The following ADCY9 variants were observed in gnomAD, a reference collection of about 807,000 sequenced individuals.
The protein encoded by ADCY9 is adenylate cyclase type 9.
In ADCY9, 50 loss-of-function variants were observed where a neutral mutation model predicts 101.5. That is an observed-to-expected ratio of 0.49 (90% CI 0.39 to 0.62). ADCY9 has a LOEUF of 0.62. Ranked by LOEUF, ADCY9 falls within the 20% of genes least tolerant of loss-of-function variation. ADCY9 has a pLI of 0.00. For synonymous variants in ADCY9, 905 were observed against 769.3 expected, an observed-to-expected ratio of 1.18 and a Z score of -2.92; for missense variants, 1,662 against 1,800.4, an observed-to-expected ratio of 0.92 and a Z score of 1.39.
At chr16:4,064,464 T>C (rs2056789265) in intron 2 of ADCY9, among the ~76,000 whole-genome samples, 1 of 152,126 alleles carries the variant, frequency 6.6e-6, no homozygotes, top group South Asian at 2.1e-4. Context: ...AAATCATCCA[T>C]AATAAAGTGT....
intron 6 of ADCY9, among the ~76,000 whole-genome samples, chr16:3,988,175 G>T (rs1368191194): frequency 6.6e-6 from 1 of 152,144 alleles, no homozygotes; most frequent in African/African-American, 2.4e-5. Flanking sequence ...TGTATGAAGG[G>T]AAGTACAATC....
At chr16:4,027,628 G>A (rs1325802862) in intron 2 of ADCY9, among the ~76,000 whole-genome samples, 1 of 152,160 alleles carries the variant, frequency 6.6e-6, no homozygotes, top group Non-Finnish European at 1.5e-5. Flanking sequence ...TGTAATCCCA[G>A]CACTGTGGGA....
intron 2 of ADCY9, among the ~76,000 whole-genome samples, chr16:4,014,713 G>C (rs1482488167): frequency 6.6e-6 from 1 of 151,968 alleles, no homozygotes; most frequent in African/African-American, 2.4e-5. Flanking sequence ...CTCCCAAAGT[G>C]CTGGGATTAA....
chr16:4,054,818 C>T (rs937544026), intron 2 of ADCY9, among the ~76,000 whole-genome samples: 1 of 152,076 alleles, frequency 6.6e-6, no homozygotes, highest in East Asian at 1.9e-4. Context: ...CCACCTGCCT[C>T]GACCTCCCAA....
At chr16:4,079,792 T>C (rs1268804072) in intron 2 of ADCY9, among the ~76,000 whole-genome samples, 1 of 152,142 alleles carries the variant, frequency 6.6e-6, no homozygotes, top group African/African-American at 2.4e-5. Flanking sequence ...ATATCGTATA[T>C]GCACTGAAAA....
At chr16:4,038,996 GCAA>G (rs1055107686) in intron 2 of ADCY9, among the ~76,000 whole-genome samples, 46 of 152,018 alleles carry the variant, frequency 3.0e-4, no homozygotes, top group Admixed American at 1.3e-4. Context: ...AAAAATAATA[GCAA>G]CAACATCTCC....
At chr16:4,102,045 G>C (rs554209972) in intron 2 of ADCY9, among the ~76,000 whole-genome samples, 1 of 152,100 alleles carries the variant, frequency 6.6e-6, no homozygotes, top group Non-Finnish European at 1.5e-5. Context: ...TCTAGGTTTC[G>C]GTACTGAACG....
At chr16:4,047,020 C>CA (rs112577687) in intron 2 of ADCY9, among the ~76,000 whole-genome samples, 8,096 of 151,802 alleles carry the variant, frequency 0.053, 767 homozygotes, top group African/African-American at 0.19. Flanking sequence ...AAACAAAAAA[C>CA]AAAAAACTAC....
chr16:4,035,335 G>C (rs1241461295), intron 2 of ADCY9, among the ~76,000 whole-genome samples: 1 of 152,020 alleles, frequency 6.6e-6, no homozygotes, highest in Non-Finnish European at 1.5e-5. Flanking sequence ...AGAACCACAG[G>C]ACAGCTATTA....
Position 3,966,340 on chromosome 16 carries a change from C to G in ADCY9, c.3497G>C (p.Gly1166Ala). Residue 1166 changes from glycine to alanine, a missense_variant, in exon 11 of 11, where the codon GGC becomes GCC. Around this residue, in one of 5 missense-constraint regions of ADCY9, gnomAD observed 220 missense variants for 312.9 expected, o/e 0.70. Transcript: ENST00000294016. ...GGCCGTGAGGGGCCCATGGTTGAAG[C>G]CGACGCGGAGCTTGAAGTTGAACCA... ...MLWFNFKLRV[G>A]FNHGPLTAGV... The G allele has an allele frequency of 6.2e-7, 1 of 1,614,102 alleles. No homozygotes were observed. The highest frequency in any genetic ancestry group is 8.5e-7 in the Non-Finnish European group (1 of 1,180,044).
At chr16:4,104,330 G>A (rs999235815) in intron 2 of ADCY9, among the ~76,000 whole-genome samples, 7 of 152,166 alleles carry the variant, frequency 4.6e-5, no homozygotes, top group Admixed American at 2.0e-4. Context: ...AATGACTAGT[G>A]CATGACGTTA....
chr16:4,026,196 A>C (rs1431608669), intron 2 of ADCY9, among the ~76,000 whole-genome samples: 1 of 152,154 alleles, frequency 6.6e-6, no homozygotes, highest in East Asian at 1.9e-4. Flanking sequence ...AGGTCAAGGC[A>C]GGTGGATCAC....
intron 5 of ADCY9, among the ~76,000 whole-genome samples, chr16:3,957,074 G>C (rs2055910652): frequency 6.6e-6 from 1 of 152,186 alleles, no homozygotes; most frequent in African/African-American, 2.4e-5. Context: ...GTCTAAGCCT[G>C]ACATTAAACT....
At chr16:4,078,842 G>A (rs12596300) in intron 2 of ADCY9, among the ~76,000 whole-genome samples, 51,615 of 151,972 alleles carry the variant, frequency 0.34, 9,277 homozygotes, top group East Asian at 0.52. Context: ...TCACAAATCA[G>A]TAAGGAAAAG....
intron 5 of ADCY9, among the ~76,000 whole-genome samples, chr16:3,989,872 G>A (rs553992809): frequency 7.2e-5 from 11 of 152,308 alleles, no homozygotes; most frequent in South Asian, 2.1e-4. Flanking sequence ...AATTGCCACC[G>A]TAAAAGCTAA....
chr16:4,084,026 T>A (rs192897849), intron 2 of ADCY9, among the ~76,000 whole-genome samples: 1 of 152,334 alleles, frequency 6.6e-6, no homozygotes, highest in Non-Finnish European at 1.5e-5. Flanking sequence ...GTTTTGTGTT[T>A]TTCTTTTTGA....
intron 2 of ADCY9, among the ~76,000 whole-genome samples, chr16:4,108,095 G>C (rs561522254): frequency 1.3e-5 from 2 of 152,320 alleles, no homozygotes; most frequent in Admixed American, 1.3e-4. Flanking sequence ...CATGGGTGTG[G>C]ATGAGAGCGG....
At chr16:4,053,988 C>A (rs763512962) in intron 2 of ADCY9, 1 of 152,016 alleles carries the variant, frequency 6.6e-6, no homozygotes. Context: ...CCCTCACCCC[C>A]ACTCCACAAA....
At chr16:4,084,433 A>C (rs1266925216) in intron 2 of ADCY9, among the ~76,000 whole-genome samples, 2 of 152,024 alleles carry the variant, frequency 1.3e-5, no homozygotes, top group East Asian at 3.9e-4. Context: ...TTTTTTAAAA[A>C]ATGAAATGTT....
Sources: gnomAD v4.1 joint callset for allele counts (sites outside exome capture counted in the v4.1 genomes callset) on GRCh38, gnomAD v4.1.1 for gene constraint, gnomAD v4.1.1 regional missense constraint, MANE v1.5 for transcripts, NCBI Gene and HGNC (gene_info 2026-07-23, HGNC 2026-07-21) for gene names.